PDE4B: variants seen among roughly 807,000 people sequenced by gnomAD.
PDE4B encodes the protein 3',5'-cyclic-AMP phosphodiesterase 4B.
In PDE4B, 20 loss-of-function variants were observed where a neutral mutation model predicts 82.2. The observed-to-expected ratio is 0.24, with a 90% CI of 0.17 to 0.35. PDE4B has a LOEUF of 0.35. Among genes scored for constraint, PDE4B ranks in the 10% least tolerant of loss-of-function variants. PDE4B has a pLI of 1.00. For missense variants in PDE4B, 655 were observed against 907.2 expected (o/e 0.72, Z 3.57); for synonymous variants, 320 against 318.9 (o/e 1.00, Z -0.04).
intron 3 of PDE4B, among the ~76,000 whole-genome samples, chr1:65,976,408 C>T (rs976638991): frequency 3.3e-5 from 5 of 152,126 alleles, no homozygotes; most frequent in African/African-American, 1.2e-4. Flanking sequence ...GGCTTATAGG[C>T]AGAAGGGGCT....
chr1:66,294,862 A>C (rs1657387570), intron 7 of PDE4B, among the ~76,000 whole-genome samples: 2 of 152,248 alleles, frequency 1.3e-5, no homozygotes, highest in Middle Eastern at 3.4e-3. Context: ...AAAAAAGAGA[A>C]AGATATTGCA....
chr1:66,360,517 A>G (rs1175960601), intron 9 of PDE4B: 1 of 152,180 alleles, frequency 6.6e-6, no homozygotes, highest in Non-Finnish European at 1.5e-5. Flanking sequence ...CTTCCTACTA[A>G]TTTTCACTGT....
intron 3 of PDE4B, among the ~76,000 whole-genome samples, chr1:66,078,410 A>C (rs545673200): frequency 6.6e-6 from 1 of 152,140 alleles, no homozygotes; most frequent in African/African-American, 2.4e-5. Context: ...GGGTTTCACC[A>C]TGTTGGCCAG....
At chr1:66,125,284 C>T (rs1645800256) in intron 3 of PDE4B, among the ~76,000 whole-genome samples, 1 of 151,564 alleles carries the variant, frequency 6.6e-6, no homozygotes, top group South Asian at 2.1e-4. Flanking sequence ...CTGCCTCAGC[C>T]TCCCGAGTAG....
At chr1:66,294,704 G>A (rs1657373779) in intron 7 of PDE4B, among the ~76,000 whole-genome samples, 1 of 151,688 alleles carries the variant, frequency 6.6e-6, no homozygotes, top group African/African-American at 2.4e-5. Context: ...TATTAATTCA[G>A]TATGTTCCAG....
Position 65,946,320 on chromosome 1 carries a change from A to G in PDE4B, c.281+27485A>G, listed in dbSNP as rs57669876. ...CCTGATTTTATGATTTGTTGGATCTATTGGTATCTGTGGTGTGCTAGTAAA... is the reference window on the plus strand; with the variant it reads ...CCTGATTTTATGATTTGTTGGATCTGTTGGTATCTGTGGTGTGCTAGTAAA... On this transcript the variant is annotated intron_variant, in intron 3 of 16. Transcript: ENST00000341517. Among the ~76,000 whole-genome samples the G allele has an allele frequency of 2.0e-5, 3 of 152,070 alleles. No individual in the cohort carries two copies. The East Asian group carries it at 5.8e-4, about 30-fold the overall frequency.
At chr1:66,037,357 ATTTTGATT>A (rs1654122612) in intron 3 of PDE4B, among the ~76,000 whole-genome samples, 1 of 152,030 alleles carries the variant, frequency 6.6e-6, no homozygotes, top group Non-Finnish European at 1.5e-5. Context: ...AGTCCTAAAT[ATTTTGATT>A]TTTTGATGCT....
chr1:66,003,319 A>G (rs17128207), intron 3 of PDE4B, among the ~76,000 whole-genome samples: 4,163 of 149,248 alleles, frequency 0.028, 199 homozygotes, highest in African/African-American at 0.098. Flanking sequence ...AAGAAATTTT[A>G]TTGTCTTGTT....
intron 3 of PDE4B, among the ~76,000 whole-genome samples, chr1:65,966,243 A>T (rs1649823028): frequency 6.6e-6 from 1 of 152,188 alleles, no homozygotes; most frequent in African/African-American, 2.4e-5. Flanking sequence ...AAGCATTCCT[A>T]TACACCAATA....
At chr1:66,115,415 A>G (rs980949594) in intron 3 of PDE4B, among the ~76,000 whole-genome samples, 1 of 151,480 alleles carries the variant, frequency 6.6e-6, no homozygotes, top group Non-Finnish European at 1.5e-5. Context: ...CACACTAAAT[A>G]CAGAGGGTTG....
chr1:65,876,257 T>C (rs1318635605), intron 1 of PDE4B, among the ~76,000 whole-genome samples: 1 of 152,154 alleles, frequency 6.6e-6, no homozygotes, highest in East Asian at 1.9e-4. Context: ...TAAACATTTC[T>C]GTGTATAATT....
intron 3 of PDE4B, among the ~76,000 whole-genome samples, chr1:66,095,396 C>T (rs752900087): frequency 5.3e-5 from 8 of 151,656 alleles, no homozygotes; most frequent in South Asian, 2.1e-4. Context: ...TGACATATGG[C>T]GCAATTACTG....
intron 3 of PDE4B, among the ~76,000 whole-genome samples, chr1:65,939,365 T>C (rs1429246525): frequency 1.3e-5 from 2 of 152,112 alleles, no homozygotes; most frequent in African/African-American, 4.8e-5. Flanking sequence ...CTGGTTGGAA[T>C]GGGTACACAG....
At chr1:65,996,809 T>A (rs941261160) in intron 3 of PDE4B, among the ~76,000 whole-genome samples, 1 of 152,226 alleles carries the variant, frequency 6.6e-6, no homozygotes, top group Non-Finnish European at 1.5e-5. Context: ...AAAATATAGA[T>A]ATGAAACATG....
intron 3 of PDE4B, among the ~76,000 whole-genome samples, chr1:66,076,026 T>C (rs1656418370): frequency 6.6e-6 from 1 of 152,194 alleles, no homozygotes; most frequent in Admixed American, 6.5e-5. Context: ...TTCTTTCTTT[T>C]TTTTTTCTTC....
chr1:65,955,243 G>A (rs111603572), intron 3 of PDE4B, among the ~76,000 whole-genome samples: 1,769 of 152,124 alleles, frequency 0.012, 34 homozygotes, highest in African/African-American at 0.04. Flanking sequence ...GCACAGTCCC[G>A]TAAACCTTCA....
At chr1:65,956,242 G>A (rs549015743) in intron 3 of PDE4B, among the ~76,000 whole-genome samples, 10 of 152,228 alleles carry the variant, frequency 6.6e-5, no homozygotes, top group Non-Finnish European at 1.5e-4. Flanking sequence ...GTTTGGGAAA[G>A]TCTTAATTCA....
intron 8 of PDE4B, among the ~76,000 whole-genome samples, chr1:66,349,927 G>A (rs1199894166): frequency 1.3e-5 from 2 of 152,078 alleles, no homozygotes; most frequent in African/African-American, 4.8e-5. Flanking sequence ...TTAGAAGCTA[G>A]CCATTTTACC....
chr1:66,236,592 T>C (rs1652474285), intron 3 of PDE4B, among the ~76,000 whole-genome samples: 1 of 152,180 alleles, frequency 6.6e-6, no homozygotes, highest in South Asian at 2.1e-4. Context: ...TTACTAGTTA[T>C]TTTTTGTTTG....
Sources: gnomAD v4.1 joint callset for allele counts (sites outside exome capture counted in the v4.1 genomes callset) on GRCh38, gnomAD v4.1.1 for gene constraint, MANE v1.5 for transcripts, NCBI Gene and HGNC (gene_info 2026-07-23, HGNC 2026-07-21) for gene names.